The following F8 variants were observed in gnomAD, a reference collection of about 807,000 sequenced individuals.
F8 encodes the protein coagulation factor VIII.
In F8, 12 loss-of-function variants were observed where a neutral mutation model predicts 140.6. The ratio of observed to expected loss-of-function variants is 0.09; its 90% CI spans 0.05 to 0.14. The LOEUF (loss-of-function observed/expected upper bound fraction) is 0.14. F8 is among the 10% of genes least tolerant of loss of function. The probability of loss-of-function intolerance (pLI) is 1.00; values close to 1 mark genes in which losing one functional copy is unlikely to be tolerated. For missense variants in F8, 1,354 were observed against 1,720.7 expected (o/e 0.79, Z 3.77); for synonymous variants, 585 against 614.6 (o/e 0.95, Z 0.71).
In F8 at chrX:154,861,709, G is replaced by T. The variant is rs1167116575; in HGVS notation, c.6723+9C>A. On this transcript the variant is annotated intron_variant, in intron 24 of 25. Transcript: ENST00000360256. ...GAGTCAGTTAAACAGTAAATCTGTT[G>T]CCTCTTACCTGAGGTCTCCAGGCAT... 1.7e-6 allele frequency: 2 copies of T among 1,209,256 alleles called. No homozygotes were observed. Among genetic ancestry groups the T allele is most frequent in the African/African-American group, 3.5e-5 (2 of 57,111 alleles).
chrX:154,995,220 G>C (rs782524568), intron 3 of F8, among the ~76,000 whole-genome samples: 9 of 111,899 alleles, frequency 8.0e-5, no homozygotes, highest in Admixed American at 3.8e-4. Flanking sequence ...CAAGGCTCAC[G>C]TTGTGGTGGG....
intron 6 of F8, among the ~76,000 whole-genome samples, chrX:154,983,691 T>C (rs782601509): frequency 1.2e-4 from 13 of 112,399 alleles, no homozygotes; most frequent in Non-Finnish European, 2.4e-4. Context: ...GGGATTATCA[T>C]AGCAGTGTTG....
chrX:154,931,002 C>T lies in F8; in HGVS notation c.2788G>A (p.Val930Ile), dbSNP rs1399964732. The T allele has an allele frequency of 3.4e-6, 4 of 1,193,615 alleles. No homozygotes were observed. In the East Asian group the frequency reaches 8.9e-5, roughly 27 times the overall value. ...TSSLGPPSMP[V>I]HYDSQLDTTL... ...GTATCTAATTGACTATCATAATGAA[C>T]TGGCATACTTGGGGGTCCTAAGGAA... Residue 930 changes from valine (V) to isoleucine (I), a missense_variant, in exon 14 of 26, where the codon GTT (valine) becomes ATT (isoleucine). Around this residue, in one of 4 missense-constraint regions of F8, gnomAD observed 658 missense variants for 666.5 expected, o/e 0.99. Coordinates refer to ENST00000360256, the MANE Select transcript of F8 (RefSeq NM_000132.4).
chrX:154,896,025 C>T, intron 22 of F8, 52 bp downstream of exon 22: 1 of 1,149,438 alleles, frequency 8.7e-7, no homozygotes, highest in Non-Finnish European at 1.2e-6. Context: ...CTGAAATCTG[C>T]CAAAATTCTT....
chrX:154,875,050 G>C (rs2072801553), intron 22 of F8, among the ~76,000 whole-genome samples: 1 of 111,655 alleles, frequency 9.0e-6, no homozygotes, highest in Non-Finnish European at 1.9e-5. Context: ...TAAAATAGAA[G>C]AAAATCCTCC....
At chrX:154,970,233 A>T (rs2073448856) in intron 6 of F8, among the ~76,000 whole-genome samples, 1 of 112,122 alleles carries the variant, frequency 8.9e-6, no homozygotes, top group Non-Finnish European at 1.9e-5. Context: ...TAACAACCCT[A>T]TGAATGTAGA....
chrX:154,905,157 T>C lies in F8; in HGVS notation c.5374-134A>G, dbSNP rs28370217. Reference sequence around the variant, plus strand: ...AAAGTTTTTAATACCCTGGAAGAAGTGGTACAGAAGATGGATGCTGTTAGA... The same window carrying C: ...AAAGTTTTTAATACCCTGGAAGAAGCGGTACAGAAGATGGATGCTGTTAGA... On this transcript the variant is annotated intron_variant, in intron 15 of 25. Coordinates refer to ENST00000360256, the MANE Select transcript of F8 (RefSeq NM_000132.4). 8.0e-3 allele frequency: 4,068 copies of C among 505,625 alleles called. 15 individuals carry two copies. Among genetic ancestry groups the C allele is most frequent in the Middle Eastern group, 0.016 (28 of 1,759 alleles). The allele number at this position is 505,625 out of a possible 1,213,427, so 41.7% of individuals were successfully genotyped here. A position where few individuals can be genotyped will look rare whatever the true frequency, so the allele number is the denominator to read the frequency against.
chrX:154,860,688 C>A (rs782073212), intron 24 of F8, 80 bp from the exon 25 acceptor site: 827 of 924,344 alleles, frequency 8.9e-4, no homozygotes, highest in Non-Finnish European at 1.1e-3. Flanking sequence ...TTAACCATAC[C>A]ACAGCACTTC....
At chrX:154,982,411 G>A (rs1445382922) in intron 6 of F8, among the ~76,000 whole-genome samples, 1 of 93,031 alleles carries the variant, frequency 1.1e-5, no homozygotes, top group Non-Finnish European at 2.1e-5. Context: ...TTGCGCCACT[G>A]CACTCCAGCC....
chrX:154,994,844 G>A (rs2073608196), intron 3 of F8, among the ~76,000 whole-genome samples: 1 of 111,850 alleles, frequency 8.9e-6, no homozygotes, highest in Admixed American at 9.5e-5. Flanking sequence ...TTCCACATCA[G>A]GAATTCACCT....
At chrX:154,964,776 G>T (rs1406351608) in intron 9 of F8, among the ~76,000 whole-genome samples, 3 of 110,119 alleles carry the variant, frequency 2.7e-5, no homozygotes, top group Non-Finnish European at 5.7e-5. Flanking sequence ...ACATTCTCAG[G>T]CAGAAAACAT....
At chrX:154,891,110 T>G (rs2072940764) in intron 22 of F8, among the ~76,000 whole-genome samples, 1 of 113,119 alleles carries the variant, frequency 8.8e-6, no homozygotes, top group Admixed American at 9.3e-5. Context: ...GAGCCAATTG[T>G]AAGTAAGCAT....
intron 1 of F8, among the ~76,000 whole-genome samples, chrX:155,010,795 C>A (rs1075949): frequency 9.0e-6 from 1 of 110,744 alleles, no homozygotes; most frequent in African/African-American, 3.3e-5. Context: ...AGGCTACTGA[C>A]AACCTGGGCC....
At position 154,947,830 on chromosome X, in the gene F8, T is replaced by C; in HGVS notation, c.1981A>G (p.Ile661Val). ...GAAAGGAAGTCAGTCTGTGCTCCAA[T>C]GCTTAGAATGTACCAGTATGCCACC... ...HEVAYWYILS[I>V]GAQTDFLSVF... The change falls in exon 13 of 26, where the codon ATT (isoleucine) becomes GTT (valine). Residue 661 changes from isoleucine to valine, a missense_variant. Ile to Val is a conservative substitution (Grantham distance 29). Transcript: ENST00000360256. 1 of 1,210,804 alleles carries C rather than the reference T, an allele frequency of 8.3e-7. No individual in the cohort carries two copies. The highest frequency in any genetic ancestry group is 1.1e-6 in the Non-Finnish European group (1 of 894,699).
chrX:154,861,159 C>T (rs1056965276), intron 24 of F8, among the ~76,000 whole-genome samples: 1 of 110,934 alleles, frequency 9.0e-6, no homozygotes, highest in Non-Finnish European at 1.9e-5. Context: ...CAGGTTCATG[C>T]GATTATCCTG....
intron 25 of F8, among the ~76,000 whole-genome samples, chrX:154,841,208 CTTTTTTTTTTTT>C (rs1168917544): frequency 6.4e-4 from 31 of 48,664 alleles, no homozygotes; most frequent in African/African-American, 2.1e-3. Flanking sequence ...TTGCTTTCTT[CTTTTTTTTTTTT>C]TTTTTTTTTT....
At chrX:154,895,293 G>A (rs1749682586) in intron 22 of F8, among the ~76,000 whole-genome samples, 1 of 112,114 alleles carries the variant, frequency 8.9e-6, no homozygotes. Flanking sequence ...ATCTAAAGGG[G>A]CAAACAAAAG....
intron 6 of F8, among the ~76,000 whole-genome samples, chrX:154,981,861 T>A (rs1311790839): frequency 1.8e-5 from 2 of 110,981 alleles, no homozygotes; most frequent in African/African-American, 6.6e-5. Context: ...ATCAAAAAAA[T>A]TAAGAAAAAG....
intron 25 of F8, among the ~76,000 whole-genome samples, chrX:154,858,005 G>T (rs1453648285): frequency 2.7e-5 from 3 of 111,870 alleles, no homozygotes; most frequent in Non-Finnish European, 5.6e-5. Flanking sequence ...CAGGCATGGT[G>T]ATGCGTGCCT....
Sources: gnomAD v4.1 joint callset for allele counts (sites outside exome capture counted in the v4.1 genomes callset) on GRCh38, gnomAD v4.1.1 for gene constraint, gnomAD v4.1.1 regional missense constraint, MANE v1.5 for transcripts, NCBI Gene and HGNC (gene_info 2026-07-23, HGNC 2026-07-21) for gene names.